The following POLA2 variants were observed in gnomAD, a reference collection of about 807,000 sequenced individuals.
The protein encoded by POLA2 is DNA polymerase alpha subunit B.
In POLA2, 47 loss-of-function variants were observed where a neutral mutation model predicts 82.8. The ratio of observed to expected loss-of-function variants is 0.57; its 90% CI spans 0.45 to 0.72. The LOEUF is 0.72. Ranked by LOEUF, POLA2 falls within the 30% of genes least tolerant of loss-of-function variation. The pLI is 0.00. For missense variants in POLA2, 634 were observed against 728.1 expected (o/e 0.87, Z 1.49); for synonymous variants, 287 against 286.8 (o/e 1.00, Z -0.01).
rs739391 is a variant in POLA2, at chr11:65,289,755, C to G, written c.1171-44C>G. Reference sequence around the variant, plus strand: ...ACAATGTTAAACAAGTGAATAAACACCAAACATCTGCCGTCTAAATCTGTC... The same window carrying G: ...ACAATGTTAAACAAGTGAATAAACAGCAAACATCTGCCGTCTAAATCTGTC... On this transcript the variant is annotated intron_variant, in intron 12 of 17. Transcript: ENST00000265465. 5.8e-3 allele frequency: 7,611 copies of G among 1,304,904 alleles called. 284 individuals are homozygous for G. In the East Asian group the frequency reaches 0.096, roughly 16 times the overall value. The allele number at this position is 1,304,904 out of a possible 1,614,324, so 80.8% of individuals were successfully genotyped here. A position where few individuals can be genotyped will look rare whatever the true frequency, so the allele number is the denominator to read the frequency against.
At position 65,281,063 on chromosome 11, in the gene POLA2, C is replaced by A; in HGVS notation, c.816C>A (p.Leu272=). 6.2e-7 allele frequency: 1 copy of A among 1,614,082 alleles called. No homozygotes were observed. Among genetic ancestry groups the A allele is most frequent in the Non-Finnish European group, 8.5e-7 (1 of 1,179,986 alleles). ...NGKLNNKSVI[L]EGDREHSSGA... The stretch of plus-strand genomic sequence containing the variant: ...AGCTGAACAACAAGTCAGTGATTCT[C>A]GAGGGAGACCGGGAACATTCCTCGG... Residue 272 remains leucine, a synonymous_variant, in exon 8 of 18, where the codon CTC becomes CTA. Transcript: ENST00000265465.
At chr11:65,296,503 T>TA (rs1037545485) in intron 17 of POLA2, 2 of 158,046 alleles carry the variant, frequency 1.3e-5, no homozygotes, top group African/African-American at 2.4e-5. Context: ...CTCAAGAGGT[T>TA]AAAAAAAAGT....
chr11:65,304,054 TGTG>T (rs1052802217), intron 8 of POLA2, among the ~76,000 whole-genome samples: 2 of 152,176 alleles, frequency 1.3e-5, no homozygotes, highest in Admixed American at 6.5e-5. Context: ...TGCCTGGAGT[TGTG>T]GTGGGTGCTG....
rs960061259 is a variant in POLA2 at position 65,287,933 on chromosome 11, C to T, written c.1131+93C>T. On this transcript the variant is annotated intron_variant, in intron 11 of 17. Coordinates refer to ENST00000265465, the MANE Select transcript of POLA2 (RefSeq NM_002689.4). Reference sequence around the variant, plus strand: ...TTTAGGAAGCATGTCAGTCCCTCCTCCTTTTAGAAAATATCTTTTCATTCT... The same window carrying T: ...TTTAGGAAGCATGTCAGTCCCTCCTTCTTTTAGAAAATATCTTTTCATTCT... 1.0e-5 allele frequency: 12 copies of T among 1,187,682 alleles called. No individual in the cohort carries two copies. In the African/African-American group the frequency reaches 1.7e-4, roughly 17 times the overall value. The allele number at this position is 1,187,682 out of a possible 1,614,324, so 73.6% of individuals were successfully genotyped here. A position where few individuals can be genotyped will look rare whatever the true frequency, so the allele number is the denominator to read the frequency against.
intron 8 of POLA2, among the ~76,000 whole-genome samples, chr11:65,304,177 A>C (rs1949873214): frequency 6.6e-6 from 1 of 151,986 alleles, no homozygotes; most frequent in Non-Finnish European, 1.5e-5. Flanking sequence ...CCGTCCACCC[A>C]TCCATTTACC....
chr11:65,279,676 C>T (rs887978950), intron 7 of POLA2, 50 bp downstream of exon 7: 4 of 1,296,920 alleles, frequency 3.1e-6, no homozygotes, highest in African/African-American at 3.0e-5. Flanking sequence ...GTTTTTAAAT[C>T]GATGACCAAG....
intron 10 of POLA2, among the ~76,000 whole-genome samples, chr11:65,282,946 T>C (rs1431256672): frequency 3.3e-5 from 5 of 152,196 alleles, no homozygotes; most frequent in Middle Eastern, 3.4e-3. Flanking sequence ...CTGGGCAACA[T>C]AGGGAGACCC....
downstream of POLA2, among the ~76,000 whole-genome samples, chr11:65,300,866 G>A (rs1039824146): frequency 6.6e-6 from 1 of 152,250 alleles, no homozygotes; most frequent in East Asian, 1.9e-4. Flanking sequence ...ACAGGCGTAA[G>A]CCACTGCACC....
At chr11:65,305,540 G>A (rs2137627267) in exon 9 of POLA2, 1 of 384,086 alleles carries the variant, frequency 2.6e-6, no homozygotes, top group South Asian at 1.9e-5. Flanking sequence ...TGGGCACGGT[G>A]GTGCGTGCCT....
At chr11:65,280,875 C>T in intron 7 of POLA2, 117 bp from the exon 8 acceptor site, 1 of 1,020,586 alleles carries the variant, frequency 9.8e-7, no homozygotes, top group Non-Finnish European at 1.5e-6. Flanking sequence ...AAGCAATGCC[C>T]TGCCAAGAAA....
At chr11:65,290,288 G>A (rs569315095) in intron 13 of POLA2, among the ~76,000 whole-genome samples, 8 of 145,006 alleles carry the variant, frequency 5.5e-5, no homozygotes, top group Admixed American at 2.8e-4. Context: ...GGTGGCTCAC[G>A]CACTTTGGGA....
chr11:65,290,335 A>G (rs1348674532), intron 13 of POLA2, among the ~76,000 whole-genome samples: 2 of 151,838 alleles, frequency 1.3e-5, no homozygotes, highest in Non-Finnish European at 2.9e-5. Flanking sequence ...TCAGGAGTTC[A>G]AGACCAGCCT....
In POLA2 at chr11:65,295,938, C is replaced by T; in HGVS notation, c.1595C>T (p.Pro532Leu). 1 of 1,614,146 alleles carries T rather than the reference C, an allele frequency of 6.2e-7. No homozygotes were observed. ...YESFYVYAQL[P>L]VTPDVLIIPS... ...TCGTTCTATGTTTACGCACAGCTGC[C>T]TGTCACCCCAGATGTCCTCATCATC... Residue 532 changes from proline (P) to leucine (L), a missense_variant, in exon 17 of 18, where the codon CCT becomes CTT. Physicochemically the swap from Pro to Leu is moderately conservative, Grantham distance 98. Coordinates refer to ENST00000265465, the MANE Select transcript of POLA2 (RefSeq NM_002689.4).
chr11:65,294,112 T>A, intron 13 of POLA2, 41 bp from the exon 14 acceptor site: 1 of 1,558,012 alleles, frequency 6.4e-7, no homozygotes, highest in Non-Finnish European at 8.9e-7. Context: ...TCAACTGCAC[T>A]CACTTTTCTC....
At chr11:65,295,630 G>T (rs775245926) in intron 16 of POLA2, 31 bp downstream of exon 16, 1 of 1,583,678 alleles carries the variant, frequency 6.3e-7, no homozygotes. Flanking sequence ...CCTGACTGTG[G>T]AGAGAGTGCC....
intron 11 of POLA2, among the ~76,000 whole-genome samples, chr11:65,288,600 CTCCTGGGCTCAAGTGAGCCTCCCCT>C (rs1949723039): frequency 6.6e-6 from 1 of 151,396 alleles, no homozygotes; most frequent in South Asian, 2.1e-4. Context: ...TAGCCTCCAC[CTCCTGGGCTCAAGTGAGCCTCCCCT>C]ATCCTCCCTG....
intron 4 of POLA2, among the ~76,000 whole-genome samples, chr11:65,271,934 C>T (rs559654641): frequency 3.3e-5 from 5 of 151,598 alleles, no homozygotes; most frequent in Admixed American, 6.6e-5. Context: ...GCTAGAGATA[C>T]GTAAAATGCT....
At chr11:65,266,422 G>T in intron 1 of POLA2, 160 bp from the exon 2 acceptor site, 1 of 672,200 alleles carries the variant, frequency 1.5e-6, no homozygotes, top group Non-Finnish European at 2.5e-6. Flanking sequence ...AGCTTTGTAA[G>T]GACAAGGATG....
intron 4 of POLA2, among the ~76,000 whole-genome samples, chr11:65,269,514 A>C (rs1949499731): frequency 1.3e-5 from 2 of 151,934 alleles, no homozygotes; most frequent in Admixed American, 1.3e-4. Flanking sequence ...CAACAACAAC[A>C]ACTATGTACT....
Sources: gnomAD v4.1 joint callset for allele counts (sites outside exome capture counted in the v4.1 genomes callset) on GRCh38, gnomAD v4.1.1 for gene constraint, MANE v1.5 for transcripts, NCBI Gene and HGNC (gene_info 2026-07-23, HGNC 2026-07-21) for gene names.